The following SGCZ variants were observed in gnomAD, a reference collection of about 807,000 sequenced individuals.
The protein encoded by SGCZ is sarcoglycan zeta, also known as zeta-sarcoglycan.
In SGCZ, 40 loss-of-function variants were observed where a neutral mutation model predicts 41.3. The observed-to-expected ratio is 0.97, with a 90% CI of 0.75 to 1.26. The LOEUF (loss-of-function observed/expected upper bound fraction) is 1.26, where lower values mean the gene tolerates loss of function less well. Ranked by LOEUF, SGCZ falls within the 50% of genes most tolerant of loss-of-function variation. SGCZ has a pLI of 0.00. For synonymous variants in SGCZ, 206 were observed against 137.5 expected, an observed-to-expected ratio of 1.50 and a Z score of -3.49; for missense variants, 552 against 369.8, an observed-to-expected ratio of 1.49 and a Z score of -4.04.
intron 1 of SGCZ, among the ~76,000 whole-genome samples, chr8:14,954,062 T>C (rs1443624536): frequency 2.0e-5 from 3 of 152,222 alleles, no homozygotes; most frequent in Admixed American, 6.5e-5. Flanking sequence ...TTCTGAAGTA[T>C]GCTCTTGAAA....
intron 1 of SGCZ, among the ~76,000 whole-genome samples, chr8:14,706,208 TA>T (rs554488568): frequency 1.3e-5 from 2 of 151,846 alleles, no homozygotes; most frequent in East Asian, 1.9e-4. Flanking sequence ...AGTTTTGAAT[TA>T]AAAAAAATTA....
chr8:15,187,310 C>G (rs1800378743), intron 1 of SGCZ, among the ~76,000 whole-genome samples: 1 of 152,050 alleles, frequency 6.6e-6, no homozygotes, highest in Non-Finnish European at 1.5e-5. Flanking sequence ...CGAAGAAACT[C>G]ATGAATTTGC....
At chr8:14,428,987 G>A (rs994335904) in intron 2 of SGCZ, among the ~76,000 whole-genome samples, 5 of 152,102 alleles carry the variant, frequency 3.3e-5, no homozygotes, top group Non-Finnish European at 7.4e-5. Context: ...TACGGAAGAG[G>A]TATTTTACTT....
At chr8:15,091,763 T>C (rs1230207596) in intron 1 of SGCZ, among the ~76,000 whole-genome samples, 1 of 152,184 alleles carries the variant, frequency 6.6e-6, no homozygotes, top group African/African-American at 2.4e-5. Context: ...TTAATATTTA[T>C]TTATTTAGAG....
chr8:14,737,633 G>C (rs1445014679), intron 1 of SGCZ, among the ~76,000 whole-genome samples: 4 of 151,982 alleles, frequency 2.6e-5, no homozygotes, highest in African/African-American at 7.3e-5. Flanking sequence ...GATTCCTTCT[G>C]AGGCCTCTCT....
intron 3 of SGCZ, among the ~76,000 whole-genome samples, chr8:14,310,106 A>G (rs111809317): frequency 0.29 from 43,622 of 152,018 alleles, 6,745 homozygotes; most frequent in South Asian, 0.49. Flanking sequence ...ATTATGATGC[A>G]TACAGTTTTC....
At chr8:14,810,074 A>C (rs1801694376) in intron 1 of SGCZ, among the ~76,000 whole-genome samples, 1 of 152,092 alleles carries the variant, frequency 6.6e-6, no homozygotes, top group Admixed American at 6.6e-5. Flanking sequence ...TATTTTAGAA[A>C]AAGTGTGAAA....
intron 1 of SGCZ, among the ~76,000 whole-genome samples, chr8:15,018,246 G>A (rs1381562978): frequency 6.6e-6 from 1 of 152,118 alleles, no homozygotes; most frequent in Non-Finnish European, 1.5e-5. Context: ...CGATAGGACA[G>A]ACACTGTTCT....
At chr8:14,394,657 T>C (rs10093942) in intron 2 of SGCZ, among the ~76,000 whole-genome samples, 25,570 of 151,854 alleles carry the variant, frequency 0.17, 5,065 homozygotes, top group African/African-American at 0.48. Context: ...GTGGGTGAAA[T>C]GAAATGACAA....
At chr8:14,607,053 C>T (rs983091815) in intron 1 of SGCZ, among the ~76,000 whole-genome samples, 2 of 152,108 alleles carry the variant, frequency 1.3e-5, no homozygotes, top group African/African-American at 4.8e-5. Flanking sequence ...TCCGACAGCT[C>T]TGGATTTAAA....
chr8:14,401,582 C>A (rs148547558), intron 2 of SGCZ, among the ~76,000 whole-genome samples: 5,280 of 150,046 alleles, frequency 0.035, 308 homozygotes, highest in African/African-American at 0.12. Flanking sequence ...ATGATGATTT[C>A]CAATTTCATC....
intron 1 of SGCZ, among the ~76,000 whole-genome samples, chr8:14,823,279 A>G (rs1041607385): frequency 1.4e-4 from 21 of 152,092 alleles, no homozygotes; most frequent in African/African-American, 5.1e-4. Flanking sequence ...GCCAGTATTA[A>G]CCAAGTGATG....
chr8:14,916,293 T>TATA (rs1799435715), intron 1 of SGCZ, among the ~76,000 whole-genome samples: 1 of 152,178 alleles, frequency 6.6e-6, no homozygotes, highest in Non-Finnish European at 1.5e-5. Context: ...GCTGTGAAGA[T>TATA]TATATACATA....
At chr8:14,389,145 G>A (rs1320933225) in intron 2 of SGCZ, among the ~76,000 whole-genome samples, 1 of 151,878 alleles carries the variant, frequency 6.6e-6, no homozygotes, top group Non-Finnish European at 1.5e-5. Context: ...CTGTTGAGGT[G>A]AGTATTAGAA....
intron 1 of SGCZ, among the ~76,000 whole-genome samples, chr8:14,944,218 A>T (rs1341474281): frequency 6.6e-6 from 1 of 152,186 alleles, no homozygotes; most frequent in Non-Finnish European, 1.5e-5. Context: ...ATGCTGCTAC[A>T]GTTCTTGGTA....
intron 1 of SGCZ, among the ~76,000 whole-genome samples, chr8:14,865,041 T>G (rs1010239320): frequency 3.3e-5 from 5 of 152,124 alleles, no homozygotes; most frequent in Non-Finnish European, 7.4e-5. Flanking sequence ...TATTCTGGAT[T>G]AATCCTTGTC....
chr8:14,785,804 C>T (rs371605820), intron 1 of SGCZ, among the ~76,000 whole-genome samples: 13 of 152,176 alleles, frequency 8.5e-5, no homozygotes, highest in East Asian at 1.9e-4. Flanking sequence ...CCTAAGCAGG[C>T]GTAGGATTGT....
intron 1 of SGCZ, among the ~76,000 whole-genome samples, chr8:15,205,242 C>A (rs961536422): frequency 6.6e-6 from 1 of 152,034 alleles, no homozygotes; most frequent in Non-Finnish European, 1.5e-5. Flanking sequence ...ACAACAGAAA[C>A]CAAATTGACA....
At chr8:15,138,920 G>A (rs1808216787) in intron 1 of SGCZ, among the ~76,000 whole-genome samples, 1 of 152,154 alleles carries the variant, frequency 6.6e-6, no homozygotes, top group African/African-American at 2.4e-5. Context: ...TAAATCATAT[G>A]ATAAAGAAAT....
Sources: gnomAD v4.1 joint callset for allele counts (sites outside exome capture counted in the v4.1 genomes callset) on GRCh38, gnomAD v4.1.1 for gene constraint, MANE v1.5 for transcripts, NCBI Gene and HGNC (gene_info 2026-07-23, HGNC 2026-07-21) for gene names.